Variants in CLPX observed in about 807,000 individuals in gnomAD.
CLPX encodes the protein caseinolytic mitochondrial matrix peptidase chaperone subunit X.
A neutral mutation model predicts 76.4 loss-of-function variants in CLPX; 34 were observed. That is an observed-to-expected ratio of 0.45 (90% CI 0.34 to 0.59). The LOEUF (loss-of-function observed/expected upper bound fraction) is 0.59. CLPX is among the 20% of genes least tolerant of loss of function. The probability of loss-of-function intolerance (pLI) is 0.01; values close to 1 mark genes in which losing one functional copy is unlikely to be tolerated. For synonymous variants in CLPX, 248 were observed against 270.9 expected (o/e 0.92, Z 0.83); for missense variants, 613 against 757.0 (o/e 0.81, Z 2.23).
intron 2 of CLPX, 133 bp downstream of exon 2, chr15:65,179,911 A>G (rs2088140778): frequency 1.9e-6 from 1 of 532,922 alleles, no homozygotes; most frequent in African/African-American, 1.9e-5. Flanking sequence ...ATTACATAAA[A>G]TTATTCAGAT....
At chr15:65,175,887 G>A (rs1021691352) in intron 3 of CLPX, among the ~76,000 whole-genome samples, 2 of 152,174 alleles carry the variant, frequency 1.3e-5, no homozygotes, top group East Asian at 3.8e-4. Flanking sequence ...CAAAACTAAG[G>A]GAGGAGGGGC....
chr15:65,155,706 T>C lies in CLPX; in HGVS notation c.1297A>G (p.Arg433Gly). 6.2e-7 allele frequency: 1 copy of C among 1,611,546 alleles called. No individual in the cohort carries two copies. Residue 433 changes from arginine to glycine, a missense_variant, in exon 10 of 14, where the codon AGG becomes GGG. By Grantham distance (125) the Arg-to-Gly change is moderately radical. Around this residue, in one of 2 missense-constraint regions of CLPX, gnomAD observed 450 missense variants for 638.6 expected, o/e 0.70. Transcript: ENST00000300107. Reference protein sequence around the residue: ...FNGLDRIISRRKNEKYLGFGT... With the variant: ...FNGLDRIISRGKNEKYLGFGT... ...GAAAAACTTACCTTTTCATTTTTCCTCCTGCTGATGATTCTGTCTAAACCA... is the reference window on the plus strand; with the variant it reads ...GAAAAACTTACCTTTTCATTTTTCCCCCTGCTGATGATTCTGTCTAAACCA...
chr15:65,172,583 G>A lies in CLPX; in HGVS notation c.359-5798C>T, dbSNP rs376037657. Among the ~76,000 whole-genome samples the A allele has an allele frequency of 2.6e-5, 4 of 152,178 alleles. No homozygotes were observed. In the South Asian group the frequency reaches 8.3e-4, roughly 32 times the overall value. ...AGAGGTGGAGGTTGCAGTGAGCCTCGATCACACCACTGCACTCCAGTCTGG... is the reference window on the plus strand; with the variant it reads ...AGAGGTGGAGGTTGCAGTGAGCCTCAATCACACCACTGCACTCCAGTCTGG... On this transcript the variant is annotated intron_variant, in intron 3 of 13. Coordinates refer to ENST00000300107, the MANE Select transcript of CLPX (RefSeq NM_006660.5).
chr15:65,169,025 T>C (rs2087960491), intron 3 of CLPX, among the ~76,000 whole-genome samples: 1 of 139,406 alleles, frequency 7.2e-6, no homozygotes, highest in Non-Finnish European at 1.6e-5. Context: ...GCCTGCCTAC[T>C]TTTTTTTTTT....
chr15:65,155,955 T>C (rs1307459067), intron 9 of CLPX, 99 bp from the exon 10 acceptor site: 1 of 1,021,476 alleles, frequency 9.8e-7, no homozygotes, highest in Non-Finnish European at 1.5e-6. Flanking sequence ...TATGTGATTA[T>C]AGTCAATGCA....
Position 65,185,183 on chromosome 15 carries a change from C to G in CLPX, c.-30G>C. 1 of 1,533,332 alleles carries G rather than the reference C, an allele frequency of 6.5e-7. No individual in the cohort carries two copies. The highest frequency in any genetic ancestry group is 8.8e-7 in the Non-Finnish European group (1 of 1,131,080). 95.0% of individuals were successfully genotyped at this position (1,533,332 alleles called of 1,614,324 possible). ...GCGAGGCCTAGGCCGGGGCTTCGCC[C>G]CCTGAGGACCTCCGGGTCACAGCGG... On this transcript the variant is annotated 5_prime_UTR_variant, in exon 1 of 14. Coordinates refer to ENST00000300107, the MANE Select transcript of CLPX (RefSeq NM_006660.5).
Position 65,154,939 on chromosome 15 carries a change from C to A in CLPX, c.1454G>T (p.Arg485Ile), listed in dbSNP as rs1285598674. ...AATCATGCCAAACTCAATCAGATCT[C>A]TGGCTTCCACATGACGCAATAACCG... ...KDRLLRHVEA[R>I]DLIEFGMIPE... Residue 485 changes from arginine to isoleucine, a missense_variant, in exon 11 of 14, where the codon AGA (arginine) becomes ATA (isoleucine). By Grantham distance (97) the Arg-to-Ile change is moderately conservative. This residue lies in a region of CLPX where 450 missense variants were observed against 638.6 expected (regional missense o/e 0.70). Transcript: ENST00000300107. The A allele has an allele frequency of 1.2e-6, 2 of 1,614,186 alleles. No homozygotes were observed. Among genetic ancestry groups the A allele is most frequent in the South Asian group, 2.2e-5 (2 of 91,074 alleles).
At position 65,159,177 on chromosome 15, in the gene CLPX, A is replaced by G. The variant is rs147386968; in HGVS notation, c.716-426T>C. On this transcript the variant is annotated intron_variant, in intron 6 of 13. Coordinates refer to ENST00000300107, the MANE Select transcript of CLPX (RefSeq NM_006660.5). ...CAATAAAATCTACTAGAGAAACCAAATATGATACACCTTACTATCTCTGGC... is the reference window on the plus strand; with the variant it reads ...CAATAAAATCTACTAGAGAAACCAAGTATGATACACCTTACTATCTCTGGC... Among the ~76,000 whole-genome samples, 873 of 152,318 alleles carry G rather than the reference A, an allele frequency of 5.7e-3. 5 individuals are homozygous for G. Among genetic ancestry groups the G allele is most frequent in the Middle Eastern group, 0.014 (4 of 294 alleles).
intron 10 of CLPX, 34 bp downstream of exon 10, chr15:65,155,654 GCTCT>G (rs774216614): frequency 6.5e-7 from 1 of 1,532,728 alleles, no homozygotes; most frequent in Non-Finnish European, 9.0e-7. Flanking sequence ...TCCTTTAAAT[GCTCT>G]CTATCCTTCT....
chr15:65,183,033 C>A (rs1205570056), intron 1 of CLPX, among the ~76,000 whole-genome samples: 1 of 150,794 alleles, frequency 6.6e-6, no homozygotes, highest in South Asian at 2.1e-4. Context: ...CGTGGTGGCG[C>A]GCGCCTGTAA....
Position 65,185,166 on chromosome 15 carries a change from T to C in CLPX, c.-13A>G. On this transcript the variant is annotated 5_prime_UTR_variant, in exon 1 of 14. Coordinates refer to ENST00000300107, the MANE Select transcript of CLPX (RefSeq NM_006660.5). ...CGCAGCTGGGCATCTCCGCGAGGCC[T>C]AGGCCGGGGCTTCGCCCCCTGAGGA... The C allele has an allele frequency of 1.3e-6, 2 of 1,556,772 alleles. No individual in the cohort carries two copies. Among genetic ancestry groups the C allele is most frequent in the East Asian group, 4.8e-5 (2 of 42,086 alleles).
At chr15:65,172,726 A>G (rs1252900456) in intron 3 of CLPX, among the ~76,000 whole-genome samples, 1 of 152,258 alleles carries the variant, frequency 6.6e-6, no homozygotes, top group Non-Finnish European at 1.5e-5. Flanking sequence ...GATTAACATC[A>G]TTAGTCATTA....
chr15:65,156,191 A>C (rs989951945), intron 9 of CLPX, among the ~76,000 whole-genome samples: 2 of 152,234 alleles, frequency 1.3e-5, no homozygotes, highest in Admixed American at 6.5e-5. Flanking sequence ...GGGAACATTC[A>C]AAATTAGAAA....
In CLPX at chr15:65,185,070, G is replaced by C. The variant is rs1180771456; in HGVS notation, c.79+5C>G. 29 of 1,569,166 alleles carry C rather than the reference G, an allele frequency of 1.8e-5. No individual in the cohort carries two copies. Among genetic ancestry groups the C allele is most frequent in the Non-Finnish European group, 2.4e-5 (28 of 1,158,058 alleles). On this transcript the variant is annotated splice_donor_5th_base_variant and intron_variant, in intron 1 of 13. Coordinates refer to ENST00000300107, the MANE Select transcript of CLPX (RefSeq NM_006660.5). ...GAGGGCTCAGGAGTGGCACTATTTC[G>C]TTACCTCTCTGCGCGGAGGCGAGTG...
intron 1 of CLPX, among the ~76,000 whole-genome samples, chr15:65,183,549 CAGGA>C: frequency 8.0e-6 from 1 of 124,446 alleles, no homozygotes; most frequent in Admixed American, 8.2e-5. Flanking sequence ...GAAAGAAAGA[CAGGA>C]AGGAAGGAAA....
At position 65,152,417 on chromosome 15, in the gene CLPX, A is replaced by G; in HGVS notation, c.1811+13T>C. 1 of 1,381,616 alleles carries G rather than the reference A, an allele frequency of 7.2e-7. No individual in the cohort carries two copies. Among genetic ancestry groups the G allele is most frequent in the Non-Finnish European group, 9.8e-7 (1 of 1,021,450 alleles). 85.6% of individuals were successfully genotyped at this position (1,381,616 alleles called of 1,614,324 possible). ...AAATTTTGTATCTGTTCTGGCTTGA[A>G]AATACACTTTACCGGATGTATCCTG... On this transcript the variant is annotated intron_variant, in intron 13 of 13. Transcript: ENST00000300107.
chr15:65,172,289 G>C (rs1044251528), intron 3 of CLPX, among the ~76,000 whole-genome samples: 1 of 152,050 alleles, frequency 6.6e-6, no homozygotes, highest in Non-Finnish European at 1.5e-5. Flanking sequence ...AAAAACAAGG[G>C]GCAAAAATCT....
intron 3 of CLPX, among the ~76,000 whole-genome samples, chr15:65,171,707 G>A (rs903366827): frequency 2.6e-5 from 4 of 152,232 alleles, no homozygotes; most frequent in African/African-American, 4.8e-5. Flanking sequence ...TTAAAGGGCA[G>A]AGAAGCCGCT....
chr15:65,170,319 AG>A (rs962976159), intron 3 of CLPX, among the ~76,000 whole-genome samples: 1 of 151,984 alleles, frequency 6.6e-6, no homozygotes, highest in Admixed American at 6.6e-5. Context: ...AGAACTGCAG[AG>A]AAAAAAAAAA....
Sources: allele counts gnomAD v4.1 joint callset (sites outside exome capture counted in the v4.1 genomes callset), GRCh38; gene constraint gnomAD v4.1.1; regional missense constraint gnomAD v4.1.1; transcripts MANE v1.5; gene names NCBI Gene and HGNC (gene_info 2026-07-23, HGNC 2026-07-21).